The following CEP63 variants were observed in gnomAD, a reference collection of about 807,000 sequenced individuals.
CEP63 encodes centrosomal protein 63.
Under a neutral mutation model 89.1 loss-of-function variants are expected in CEP63, and 84 were observed. That is an observed-to-expected ratio of 0.94 (90% CI 0.79 to 1.13). The LOEUF (loss-of-function observed/expected upper bound fraction) is 1.13, where lower values mean the gene tolerates loss of function less well. Among genes scored for constraint, CEP63 ranks in the 50% most tolerant of loss-of-function variants. The probability of loss-of-function intolerance (pLI) is 0.00; values close to 1 mark genes in which losing one functional copy is unlikely to be tolerated. For synonymous variants in CEP63, 267 were observed against 272.5 expected (o/e 0.98, Z 0.20); for missense variants, 838 against 813.3 (o/e 1.03, Z -0.37).
chr3:134,546,094 G>A (rs892154262), intron 7 of CEP63, 55 bp from the exon 8 acceptor site: 1 of 1,589,774 alleles, frequency 6.3e-7, no homozygotes, highest in East Asian at 2.2e-5. Flanking sequence ...TATTTTGCAG[G>A]TTCTGCAGGA....
At chr3:134,609,497 TA>T in the CEP63 span, among the ~76,000 whole-genome samples, 2 of 152,082 alleles carry the variant, frequency 1.3e-5, no homozygotes, top group Non-Finnish European at 2.9e-5. Flanking sequence ...TGTCAAGATT[TA>T]AGGTGCAAAA....
chr3:134,619,062 TG>T, the CEP63 span: 4 of 1,114,828 alleles, frequency 3.6e-6, no homozygotes, highest in Non-Finnish European at 4.1e-6. Flanking sequence ...GTTTCAGGCC[TG>T]GCATGTGGGC....
chr3:134,609,718 C>G, the CEP63 span, among the ~76,000 whole-genome samples: 1 of 152,158 alleles, frequency 6.6e-6, no homozygotes, highest in Admixed American at 6.5e-5. Context: ...CACCCCTTCC[C>G]CAAAAACCAC....
At chr3:134,609,260 G>A in the CEP63 span, among the ~76,000 whole-genome samples, 1 of 152,266 alleles carries the variant, frequency 6.6e-6, no homozygotes, top group East Asian at 1.9e-4. Context: ...GTGCTGGCGG[G>A]GACCTTTTGT....
chr3:134,684,648 C>T, the CEP63 span, among the ~76,000 whole-genome samples: 2 of 152,230 alleles, frequency 1.3e-5, no homozygotes, highest in Non-Finnish European at 2.9e-5. Flanking sequence ...GCTTGGTTTC[C>T]CCATGGTCTT....
the CEP63 span, among the ~76,000 whole-genome samples, chr3:134,753,676 T>C: frequency 6.6e-6 from 1 of 152,204 alleles, no homozygotes; most frequent in South Asian, 2.1e-4. Flanking sequence ...GGCTGGGAGT[T>C]TGCAGGTAAG....
chr3:134,602,826 G>GACCC, the CEP63 span, among the ~76,000 whole-genome samples: 1 of 152,212 alleles, frequency 6.6e-6, no homozygotes, highest in Non-Finnish European at 1.5e-5. Flanking sequence ...TGCCGACAGT[G>GACCC]TCCCTCCCAC....
intron 2 of CEP63, among the ~76,000 whole-genome samples, chr3:134,499,820 C>CT (rs747946881): frequency 0.027 from 2,666 of 99,106 alleles, 183 homozygotes; most frequent in African/African-American, 0.072. Flanking sequence ...CCATCTTCAT[C>CT]TTTTTTTTTT....
At chr3:134,620,979 T>C in the CEP63 span, 24 of 669,662 alleles carry the variant, frequency 3.6e-5, no homozygotes, top group Admixed American at 6.9e-5. Flanking sequence ...GGAGAGGTCC[T>C]GAGGGGCAAA....
chr3:134,529,707 A>G (rs1026764192), intron 3 of CEP63, among the ~76,000 whole-genome samples: 2 of 146,144 alleles, frequency 1.4e-5, no homozygotes, highest in African/African-American at 5.1e-5. Flanking sequence ...GGGTCTCACC[A>G]TGTTGCCCAG....
chr3:134,530,011 C>T (rs1577094317), intron 3 of CEP63, among the ~76,000 whole-genome samples: 1 of 151,608 alleles, frequency 6.6e-6, no homozygotes, highest in East Asian at 1.9e-4. Context: ...GTAGCTGGGA[C>T]TACAGGCACC....
At chr3:134,597,795 C>G in the CEP63 span, 1 of 152,370 alleles carries the variant, frequency 6.6e-6, no homozygotes, top group African/African-American at 2.4e-5. Flanking sequence ...CTTTTAACTT[C>G]CACAGGTATT....
chr3:134,741,176 C>A, the CEP63 span, among the ~76,000 whole-genome samples: 10 of 152,310 alleles, frequency 6.6e-5, no homozygotes, highest in Admixed American at 5.9e-4. Flanking sequence ...CTTCTCTGCC[C>A]ATCTTCATCC....
chr3:134,659,313 C>T, the CEP63 span, among the ~76,000 whole-genome samples: 16 of 152,346 alleles, frequency 1.1e-4, no homozygotes, highest in East Asian at 2.3e-3. Flanking sequence ...CTCTCTCTGA[C>T]GTAAACAAGG....
At chr3:134,510,608 T>TG in intron 3 of CEP63, 1 of 654,696 alleles carries the variant, frequency 1.5e-6, no homozygotes, top group Non-Finnish European at 2.8e-6. Context: ...GGTGCAGGGG[T>TG]GGGAAATTGG....
chr3:134,652,690 C>G, the CEP63 span, among the ~76,000 whole-genome samples: 1 of 152,112 alleles, frequency 6.6e-6, no homozygotes, highest in Admixed American at 6.5e-5. Context: ...CTGGCTAACA[C>G]TTACTCTCTA....
chr3:134,717,705 G>A, the CEP63 span, among the ~76,000 whole-genome samples: 1 of 152,158 alleles, frequency 6.6e-6, no homozygotes, highest in Non-Finnish European at 1.5e-5. Context: ...GAATTAGGAG[G>A]TTTCTTTATG....
chr3:134,601,286 T>C, the CEP63 span, among the ~76,000 whole-genome samples: 567 of 152,218 alleles, frequency 3.7e-3, 3 homozygotes, highest in Non-Finnish European at 6.2e-3. Context: ...TGCCCTGCGG[T>C]GCTTTGAGGG....
At chr3:134,594,785 A>C in the CEP63 span, among the ~76,000 whole-genome samples, 2 of 152,250 alleles carry the variant, frequency 1.3e-5, no homozygotes, top group African/African-American at 2.4e-5. Context: ...TCACTTCAAA[A>C]ATTTACTGAT....
Sources: gnomAD v4.1 joint callset for allele counts (sites outside exome capture counted in the v4.1 genomes callset) on GRCh38, gnomAD v4.1.1 for gene constraint, MANE v1.5 for transcripts, NCBI Gene and HGNC (gene_info 2026-07-23, HGNC 2026-07-21) for gene names.